The following TBC1D32 variants were observed in gnomAD, a reference collection of about 807,000 sequenced individuals.
TBC1D32 encodes TBC1 domain family member 32, also known as protein broad-minded.
In TBC1D32, 151 loss-of-function variants were observed where a neutral mutation model predicts 170.3. That is an observed-to-expected ratio of 0.89 (90% CI 0.78 to 1.01). TBC1D32 has a LOEUF of 1.01. Among genes scored for constraint, TBC1D32 ranks in the 50% least tolerant of loss-of-function variants. The pLI, the probability that TBC1D32 is intolerant of heterozygous loss-of-function variation, is 0.00. For synonymous variants in TBC1D32, 498 were observed against 488.0 expected (o/e 1.02, Z -0.27); for missense variants, 1,464 against 1,457.1 (o/e 1.00, Z -0.08).
intron 17 of TBC1D32, among the ~76,000 whole-genome samples, chr6:121,254,552 T>C (rs1798722330): frequency 6.6e-6 from 1 of 152,120 alleles, no homozygotes; most frequent in Non-Finnish European, 1.5e-5. Context: ...AAATAAATTA[T>C]AGAAAATGTT....
At chr6:121,206,899 CTCTT>C (rs1028437950) in intron 21 of TBC1D32, among the ~76,000 whole-genome samples, 2 of 152,166 alleles carry the variant, frequency 1.3e-5, no homozygotes, top group Non-Finnish European at 2.9e-5. Context: ...TGCATCACAA[CTCTT>C]TCTATCTCCT....
At chr6:121,177,489 T>C (rs2128265176) in intron 22 of TBC1D32, among the ~76,000 whole-genome samples, 2 of 152,256 alleles carry the variant, frequency 1.3e-5, no homozygotes, top group South Asian at 4.1e-4. Flanking sequence ...TTAAACCTCT[T>C]TTCTTCATAA....
At chr6:121,136,970 T>C (rs1782163391) in intron 24 of TBC1D32, among the ~76,000 whole-genome samples, 1 of 152,096 alleles carries the variant, frequency 6.6e-6, no homozygotes, top group Admixed American at 6.5e-5. Flanking sequence ...CACTAAGATT[T>C]AATTAAAAGT....
At chr6:121,106,466 T>C (rs1237059526) in intron 29 of TBC1D32, among the ~76,000 whole-genome samples, 1 of 152,028 alleles carries the variant, frequency 6.6e-6, no homozygotes, top group Non-Finnish European at 1.5e-5. Flanking sequence ...GGAGGGCTGT[T>C]ACATGAAAGA....
chr6:121,170,992 C>T (rs1216946213), intron 22 of TBC1D32, among the ~76,000 whole-genome samples: 1 of 151,856 alleles, frequency 6.6e-6, no homozygotes, highest in Non-Finnish European at 1.5e-5. Context: ...GCTAAGAACA[C>T]CTAAGCCCAC....
intron 22 of TBC1D32, among the ~76,000 whole-genome samples, chr6:121,188,494 GAGA>G (rs1367575222): frequency 1.3e-5 from 2 of 152,060 alleles, no homozygotes; most frequent in African/African-American, 4.8e-5. Context: ...AGAACAGAGA[GAGA>G]AGGAGAGCCA....
At chr6:121,082,274 T>G (rs9387918) in intron 31 of TBC1D32, among the ~76,000 whole-genome samples, 92,985 of 151,812 alleles carry the variant, frequency 0.61, 31,867 homozygotes, top group East Asian at 0.98. Flanking sequence ...CAGAAATACT[T>G]GGTCTTTGTA....
chr6:121,194,578 T>C (rs111652121), intron 22 of TBC1D32, among the ~76,000 whole-genome samples: 2,714 of 152,312 alleles, frequency 0.018, 28 homozygotes, highest in South Asian at 0.042. Flanking sequence ...CTGTACTAGA[T>C]GTGGTTTCAT....
At chr6:121,181,287 C>G (rs897623029) in intron 22 of TBC1D32, among the ~76,000 whole-genome samples, 1 of 152,086 alleles carries the variant, frequency 6.6e-6, no homozygotes, top group African/African-American at 2.4e-5. Flanking sequence ...GGAGGAGAGC[C>G]TGGTGGGAGG....
chr6:121,188,995 A>C (rs1399905325), intron 22 of TBC1D32, among the ~76,000 whole-genome samples: 7 of 152,188 alleles, frequency 4.6e-5, no homozygotes, highest in Non-Finnish European at 1.0e-4. Context: ...TTTTTAAAAA[A>C]TTATTTTCAC....
intron 30 of TBC1D32, among the ~76,000 whole-genome samples, chr6:121,097,236 A>C (rs1323371274): frequency 6.6e-6 from 1 of 152,158 alleles, no homozygotes; most frequent in Non-Finnish European, 1.5e-5. Context: ...ACAGAAAAAG[A>C]AAATATCATC....
chr6:121,196,106 A>G (rs978235380), intron 22 of TBC1D32, among the ~76,000 whole-genome samples: 9 of 152,172 alleles, frequency 5.9e-5, no homozygotes, highest in African/African-American at 2.2e-4. Flanking sequence ...CCAACAGGTG[A>G]CCTCAGCAGA....
Position 121,242,202 on chromosome 6 carries a change from T to C in TBC1D32, c.2156A>G (p.Gln719Arg). 1 of 1,610,720 alleles carries C rather than the reference T, an allele frequency of 6.2e-7. No homozygotes were observed. The highest frequency in any genetic ancestry group is 8.5e-7 in the Non-Finnish European group (1 of 1,178,874). The change falls in exon 18 of 32, where the codon CAG (glutamine) becomes CGG (arginine). Residue 719 changes from glutamine to arginine, a missense_variant and splice_region_variant. By Grantham distance (43) the Gln-to-Arg change is conservative. Coordinates refer to ENST00000398212, the MANE Select transcript of TBC1D32 (RefSeq NM_152730.6). ...CCTTTGGCAGATGGTAATTCATACCTGTAATTTTTTTGCATATCGATTGAA... is the reference window on the plus strand; with the variant it reads ...CCTTTGGCAGATGGTAATTCATACCCGTAATTTTTTTGCATATCGATTGAA... ...FIFNRYAKKL[Q>R]VSRHKKFGYG...
chr6:121,102,569 A>G (rs1489630234), intron 30 of TBC1D32, among the ~76,000 whole-genome samples: 1 of 152,162 alleles, frequency 6.6e-6, no homozygotes, highest in Non-Finnish European at 1.5e-5. Context: ...CCTTCCTTAC[A>G]TCTTATACAA....
At position 121,303,806 on chromosome 6, in the gene TBC1D32, G is replaced by A. The variant is rs1326550831; in HGVS notation, c.936-45C>T. ...GAAATACAATTACACATATAGTTCT[G>A]GTGGTATACTTTATATTCATGGAAT... On this transcript the variant is annotated intron_variant, in intron 8 of 31. Transcript: ENST00000398212. The A allele has an allele frequency of 2.3e-6, 3 of 1,303,280 alleles. No individual in the cohort carries two copies. In the East Asian group the frequency reaches 7.5e-5, roughly 32 times the overall value. 80.7% of individuals were successfully genotyped at this position (1,303,280 alleles called of 1,614,324 possible).
intron 15 of TBC1D32, among the ~76,000 whole-genome samples, chr6:121,257,723 T>G (rs1232512001): frequency 6.6e-6 from 1 of 151,534 alleles, no homozygotes; most frequent in Non-Finnish European, 1.5e-5. Flanking sequence ...CAAACCCATG[T>G]TTTTTTTTAT....
intron 5 of TBC1D32, 125 bp from the exon 6 acceptor site, chr6:121,304,958 A>T: frequency 1.5e-6 from 1 of 666,818 alleles, no homozygotes; most frequent in Non-Finnish European, 2.6e-6. Context: ...CAGAAACTAG[A>T]GTCAGAATGT....
rs567213132 is a variant in TBC1D32 at position 121,287,763 on chromosome 6, T to C, written c.1373-3853A>G. ...CCACATAGTTGGAAGTAAAGTACTC[T>C]TCAGCAAATGTAAAAGAACAGAAAT... On this transcript the variant is annotated intron_variant, in intron 12 of 31. Coordinates refer to ENST00000398212, the MANE Select transcript of TBC1D32 (RefSeq NM_152730.6). Among the ~76,000 whole-genome samples the C allele has an allele frequency of 1.1e-4, 16 of 152,196 alleles. No individual in the cohort carries two copies. The South Asian group carries it at 1.7e-3, about 16-fold the overall frequency.
At chr6:121,334,249 G>A in intron 1 of TBC1D32, 27 bp downstream of exon 1, 4 of 1,601,078 alleles carry the variant, frequency 2.5e-6, no homozygotes, top group African/African-American at 1.3e-5. Flanking sequence ...ATGGTTTATA[G>A]GCTTAAAACA....
Sources: gnomAD v4.1 joint callset for allele counts (sites outside exome capture counted in the v4.1 genomes callset) on GRCh38, gnomAD v4.1.1 for gene constraint, MANE v1.5 for transcripts, NCBI Gene and HGNC (gene_info 2026-07-23, HGNC 2026-07-21) for gene names.